The following NRCAM variants were observed in gnomAD, a reference collection of about 807,000 sequenced individuals.
NRCAM encodes NgCAM-related cell adhesion molecule.
A neutral mutation model predicts 156.5 loss-of-function variants in NRCAM; 83 were observed. The ratio of observed to expected loss-of-function variants is 0.53; its 90% CI spans 0.44 to 0.64. NRCAM has a LOEUF of 0.64. Among genes scored for constraint, NRCAM ranks in the 30% least tolerant of loss-of-function variants. The pLI, the probability that NRCAM is intolerant of heterozygous loss-of-function variation, is 0.00. For missense variants in NRCAM, 1,417 were observed against 1,597.3 expected (o/e 0.89, Z 1.92); for synonymous variants, 538 against 563.9 (o/e 0.95, Z 0.65).
rs1202669379 is a variant in NRCAM at position 108,234,602 on chromosome 7, T to C, written c.211A>G (p.Lys71Glu). The C allele has an allele frequency of 6.2e-7, 1 of 1,610,728 alleles. No homozygotes were observed. Among genetic ancestry groups the C allele is most frequent in the East Asian group, 2.2e-5 (1 of 44,848 alleles). ...ACTCACCTTGGGGGCGGTTTCCCTT[T>C]GGCTTCACACTGGATTACAATATTC... ...RENIVIQCEA[K>E]GKPPPSFSWT... The change falls in exon 6 of 33, where the codon AAA becomes GAA. Residue 71 changes from lysine to glutamate, a missense_variant. Transcript: ENST00000379028.
intron 11 of NRCAM, among the ~76,000 whole-genome samples, chr7:108,222,672 G>A (rs924002395): frequency 4.6e-5 from 7 of 152,118 alleles, no homozygotes; most frequent in African/African-American, 1.7e-4. Flanking sequence ...GCCTCGGCCA[G>A]CGGAGGCCTC....
intron 1 of NRCAM, among the ~76,000 whole-genome samples, chr7:108,414,368 T>C (rs765048162): frequency 2.3e-4 from 35 of 151,682 alleles, no homozygotes; most frequent in Non-Finnish European, 3.7e-4. Context: ...TCCCTCACTA[T>C]TTTTGTCCTG....
chr7:108,297,271 C>T (rs1034154554), intron 3 of NRCAM, among the ~76,000 whole-genome samples: 3 of 152,046 alleles, frequency 2.0e-5, no homozygotes, highest in Non-Finnish European at 2.9e-5. Flanking sequence ...TCATTTGGTC[C>T]AAAAAATGAG....
chr7:108,348,260 G>A (rs1258658958), intron 2 of NRCAM, among the ~76,000 whole-genome samples: 3 of 152,158 alleles, frequency 2.0e-5, no homozygotes, highest in African/African-American at 4.8e-5. Flanking sequence ...ATATATGTGT[G>A]GGAGACACAG....
At position 108,209,458 on chromosome 7, in the gene NRCAM, T is replaced by C. The variant is rs771205194; in HGVS notation, c.1038A>G (p.Leu346=). ...CAGAAATGGTATGGTGGATGGCTCC[T>C]AATGCGTTTTTTGCTATACATTGGT... ...GNYQCIAKNA[L]GAIHHTISVR... The change falls in exon 12 of 33, where the codon TTA becomes TTG. Residue 346 remains leucine (L), a synonymous_variant. Transcript: ENST00000379028. The C allele has an allele frequency of 3.1e-6, 5 of 1,608,970 alleles. No homozygotes were observed. Among genetic ancestry groups the C allele is most frequent in the Non-Finnish European group, 4.2e-6 (5 of 1,177,756 alleles).
Position 108,209,515 on chromosome 7 carries a change from G to C in NRCAM, c.981C>G (p.Ile327Met). 2 of 1,612,122 alleles carry C rather than the reference G, an allele frequency of 1.2e-6. No individual in the cohort carries two copies. Among genetic ancestry groups the C allele is most frequent in the Non-Finnish European group, 1.7e-6 (2 of 1,179,030 alleles). Residue 327 changes from isoleucine to methionine, a missense_variant, in exon 12 of 33, where the codon ATC (isoleucine) becomes ATG (methionine). By Grantham distance (10) the Ile-to-Met change is conservative. Coordinates refer to ENST00000379028, the MANE Select transcript of NRCAM (RefSeq NM_001037132.4). ...CAGAGTCTGCTTCTGAAACATGAAT[G>C]ATCTGCAAGGTTTTCTCAAAGTTCT... ...VYKNFEKTLQIIHVSEADSGN... is the reference protein window; with the variant it reads ...VYKNFEKTLQMIHVSEADSGN...
intron 32 of NRCAM, among the ~76,000 whole-genome samples, chr7:108,156,962 G>A (rs575741957): frequency 4.7e-4 from 71 of 152,126 alleles, no homozygotes; most frequent in Non-Finnish European, 8.7e-4. Flanking sequence ...AAACCAAAGG[G>A]AAAACATTCT....
At chr7:108,293,827 AT>A (rs2098388010) in intron 3 of NRCAM, among the ~76,000 whole-genome samples, 1 of 152,228 alleles carries the variant, frequency 6.6e-6, no homozygotes, top group African/African-American at 2.4e-5. Flanking sequence ...AGATCACATT[AT>A]TACTGTGAGT....
At chr7:108,359,990 C>T (rs1233942870) in intron 2 of NRCAM, among the ~76,000 whole-genome samples, 3 of 152,142 alleles carry the variant, frequency 2.0e-5, no homozygotes, top group Admixed American at 6.6e-5. Flanking sequence ...TAGCTGCTTT[C>T]GCTCAACATG....
At chr7:108,383,120 A>G (rs1388451626) in intron 2 of NRCAM, among the ~76,000 whole-genome samples, 1 of 127,802 alleles carries the variant, frequency 7.8e-6, no homozygotes, top group Non-Finnish European at 1.7e-5. Flanking sequence ...GAGTCACACC[A>G]CACACACACA....
chr7:108,428,974 G>C (rs977283897), intron 1 of NRCAM, among the ~76,000 whole-genome samples: 24 of 151,822 alleles, frequency 1.6e-4, no homozygotes, highest in African/African-American at 5.6e-4. Context: ...AGGCTTCCAA[G>C]GATTGTCAAG....
Position 108,180,384 on chromosome 7 carries a change from C to A in NRCAM, c.2690G>T (p.Arg897Leu), listed in dbSNP as rs151029926. Residue 897 changes from arginine (R) to leucine (L), a missense_variant, in exon 25 of 33, where the codon CGT becomes CTT. This residue lies in a region of NRCAM where 1,238 missense variants were observed against 1,336.4 expected (regional missense o/e 0.93). Coordinates refer to ENST00000379028, the MANE Select transcript of NRCAM (RefSeq NM_001037132.4). ...GGTGAGGATCTTTTTCTCAATGTGA[C>A]GTCTGTTTCTTTTAGATGAACTCTG... ...KTQSSSKRNR[R>L]HIEKKILTFQ... The A allele has an allele frequency of 1.2e-6, 2 of 1,614,204 alleles. No homozygotes were observed. The highest frequency in any genetic ancestry group is 4.5e-5 in the East Asian group (2 of 44,888).
chr7:108,389,350 GCT>G lies in NRCAM; in HGVS notation c.-174+10084_-174+10085del, dbSNP rs551766746. ...TGAATGGGAGCTCACTCATGATTTG[GCT>G]CTCTGTTTGTTATTGGTGTATAGGA... On this transcript the variant is annotated intron_variant, in intron 2 of 32. Transcript: ENST00000379028. Among the ~76,000 whole-genome samples, 1,168 of 140,526 alleles carry G rather than the reference GCT, an allele frequency of 8.3e-3. 13 individuals are homozygous for G. The highest frequency in any genetic ancestry group is 0.029 in the African/African-American group (1,095 of 38,002). The allele number at this position is 140,526 out of a possible 152,430, so 92.2% of individuals were successfully genotyped here.
intron 2 of NRCAM, among the ~76,000 whole-genome samples, chr7:108,319,549 T>C (rs1378461383): frequency 2.0e-5 from 3 of 152,168 alleles, no homozygotes; most frequent in African/African-American, 7.2e-5. Flanking sequence ...TCATGAAGCT[T>C]ATGGTCAATG....
At chr7:108,376,789 C>A (rs972256389) in intron 2 of NRCAM, among the ~76,000 whole-genome samples, 2 of 152,142 alleles carry the variant, frequency 1.3e-5, no homozygotes, top group African/African-American at 4.8e-5. Flanking sequence ...TACATAAAAG[C>A]TACTGTTGAG....
At chr7:108,428,359 C>T (rs760335749) in intron 1 of NRCAM, among the ~76,000 whole-genome samples, 1 of 152,160 alleles carries the variant, frequency 6.6e-6, no homozygotes, top group Non-Finnish European at 1.5e-5. Context: ...CAGGTGTTGG[C>T]ATTTTTGCCC....
chr7:108,170,173 C>CAT lies in NRCAM; in HGVS notation c.3188-1773_3188-1772dup, dbSNP rs200648063. Among the ~76,000 whole-genome samples the CAT allele has an allele frequency of 4.7e-4, 71 of 150,606 alleles. 1 individual carries two copies. The highest frequency in any genetic ancestry group is 1.1e-3 in the African/African-American group (44 of 41,074). ...ACAGATGAATGGATAAAGAAATTAC[C>CAT]ATATATATATATATTTACACAATGG... On this transcript the variant is annotated intron_variant, in intron 28 of 32. Coordinates refer to ENST00000379028, the MANE Select transcript of NRCAM (RefSeq NM_001037132.4).
intron 3 of NRCAM, among the ~76,000 whole-genome samples, chr7:108,283,605 G>T (rs558741995): frequency 6.6e-6 from 1 of 152,138 alleles, no homozygotes; most frequent in Non-Finnish European, 1.5e-5. Context: ...CTTCCAGGAG[G>T]GTCCTGAATG....
chr7:108,178,068 C>T lies in NRCAM; in HGVS notation c.2896G>A (p.Asp966Asn), dbSNP rs1325830361. 1.2e-6 allele frequency: 2 copies of T among 1,613,474 alleles called. No individual in the cohort carries two copies. Among genetic ancestry groups the T allele is most frequent in the Admixed American group, 3.3e-5 (2 of 60,000 alleles). Residue 966 changes from aspartate to asparagine, a missense_variant, in exon 26 of 33, where the codon GAC becomes AAC. Asp to Asn is a conservative substitution (Grantham distance 23). Around this residue, in one of 2 missense-constraint regions of NRCAM, gnomAD observed 1,238 missense variants for 1,336.4 expected, o/e 0.93. Transcript: ENST00000379028. ...GGATCCCATTCCAAAGTGAGAGAGTCCAGTGTTGGATTCACAATCTTCAAA... is the reference window on the plus strand; with the variant it reads ...GGATCCCATTCCAAAGTGAGAGAGTTCAGTGTTGGATTCACAATCTTCAAA... Reference protein sequence around the residue: ...SSLKIVNPTLDSLTLEWDPPS... With the variant: ...SSLKIVNPTLNSLTLEWDPPS...
Sources: gnomAD v4.1 joint callset for allele counts (sites outside exome capture counted in the v4.1 genomes callset) on GRCh38, gnomAD v4.1.1 for gene constraint, gnomAD v4.1.1 regional missense constraint, MANE v1.5 for transcripts, NCBI Gene and HGNC (gene_info 2026-07-23, HGNC 2026-07-21) for gene names.